LOC400499: variants seen among roughly 807,000 people sequenced by gnomAD.
chr16:11,387,186 G>C, the LOC400499 span: 9 of 1,232,234 alleles, frequency 7.3e-6, no homozygotes, highest in Admixed American at 4.2e-5. Context: ...GACAGCTCTC[G>C]GAGCGGCCGC....
the LOC400499 span, among the ~76,000 whole-genome samples, chr16:11,515,097 G>A: frequency 6.6e-6 from 1 of 152,100 alleles, no homozygotes; most frequent in East Asian, 1.9e-4. Flanking sequence ...CTTGAGCTCA[G>A]AAGTTCAAGA....
At chr16:11,425,250 C>G in the LOC400499 span, 2 of 398,934 alleles carry the variant, frequency 5.0e-6, no homozygotes, top group Non-Finnish European at 8.8e-6. Context: ...GGCCTGGGCC[C>G]TCAGGTTCCT....
chr16:11,381,402 AC>A, the LOC400499 span, among the ~76,000 whole-genome samples: 1 of 151,806 alleles, frequency 6.6e-6, no homozygotes. Context: ...CACCTGCCCT[AC>A]TTTTGAGCTT....
At chr16:11,478,097 G>C in the LOC400499 span, 1 of 394,600 alleles carries the variant, frequency 2.5e-6, no homozygotes. Context: ...TGGATCATTT[G>C]AGCCCAAGAG....
the LOC400499 span, among the ~76,000 whole-genome samples, chr16:11,393,200 C>A: frequency 2.0e-5 from 3 of 146,832 alleles, no homozygotes; most frequent in Non-Finnish European, 4.5e-5. Context: ...CACTATGTTG[C>A]CCAGGCTGGT....
At chr16:11,479,958 T>A in the LOC400499 span, among the ~76,000 whole-genome samples, 1 of 152,152 alleles carries the variant, frequency 6.6e-6, no homozygotes, top group African/African-American at 2.4e-5. Context: ...ATAAATTGAA[T>A]TTGGAAATTG....
chr16:11,406,420 C>T, the LOC400499 span, among the ~76,000 whole-genome samples: 3 of 152,164 alleles, frequency 2.0e-5, no homozygotes, highest in East Asian at 5.8e-4. Context: ...GCCCCTCCCC[C>T]AGAGATTTCT....
At chr16:11,464,087 A>G in the LOC400499 span, among the ~76,000 whole-genome samples, 1 of 152,212 alleles carries the variant, frequency 6.6e-6, no homozygotes, top group Non-Finnish European at 1.5e-5. Context: ...TGTATATACG[A>G]ATGTATGTAC....
At chr16:11,493,538 T>C in the LOC400499 span, 1 of 389,186 alleles carries the variant, frequency 2.6e-6, no homozygotes, top group African/African-American at 2.1e-5. Context: ...TAGGTGCTCA[T>C]TAAATACATG....
At chr16:11,452,721 G>A in the LOC400499 span, among the ~76,000 whole-genome samples, 4 of 152,240 alleles carry the variant, frequency 2.6e-5, no homozygotes, top group African/African-American at 9.6e-5. Context: ...TGGCCTCATG[G>A]GTCATTCAGT....
At chr16:11,422,420 C>T in the LOC400499 span, among the ~76,000 whole-genome samples, 13 of 150,084 alleles carry the variant, frequency 8.7e-5, no homozygotes, top group Admixed American at 6.0e-4. Context: ...AGGAATGGGA[C>T]GGAAAGGAAC....
At chr16:11,503,963 C>T in the LOC400499 span, among the ~76,000 whole-genome samples, 1 of 152,206 alleles carries the variant, frequency 6.6e-6, no homozygotes, top group Non-Finnish European at 1.5e-5. Flanking sequence ...GCCACATTTC[C>T]CTCTGGCTGG....
chr16:11,421,989 C>T, the LOC400499 span, among the ~76,000 whole-genome samples: 22 of 152,322 alleles, frequency 1.4e-4, no homozygotes, highest in South Asian at 2.5e-3. Context: ...GGGTTTGAGA[C>T]GTGGCAAACA....
chr16:11,472,256 A>C, the LOC400499 span: 1 of 152,010 alleles, frequency 6.6e-6, no homozygotes, highest in Non-Finnish European at 1.5e-5. Context: ...ACAGTGGCAC[A>C]ATCTCGGCTC....
At chr16:11,440,828 C>T in the LOC400499 span, 4 of 399,030 alleles carry the variant, frequency 1.0e-5, no homozygotes, top group Non-Finnish European at 1.8e-5. Context: ...AAGCTCAGGG[C>T]CTGGGGGAAG....
the LOC400499 span, among the ~76,000 whole-genome samples, chr16:11,475,215 G>C: frequency 6.6e-6 from 1 of 152,078 alleles, no homozygotes; most frequent in African/African-American, 2.4e-5. Context: ...TAATGCATGC[G>C]GGGCTTGTAA....
chr16:11,393,961 A>C, the LOC400499 span, among the ~76,000 whole-genome samples: 1 of 152,206 alleles, frequency 6.6e-6, no homozygotes, highest in Admixed American at 6.5e-5. Context: ...ACTTTTTTTA[A>C]TTTTTAAAAA....
chr16:11,515,584 G>A, the LOC400499 span, among the ~76,000 whole-genome samples: 2 of 151,516 alleles, frequency 1.3e-5, no homozygotes, highest in East Asian at 1.9e-4. Context: ...GGAGGGGAAG[G>A]GGAAGGGAGG....
At chr16:11,422,947 A>T in the LOC400499 span, among the ~76,000 whole-genome samples, 2 of 152,256 alleles carry the variant, frequency 1.3e-5, no homozygotes, top group South Asian at 4.1e-4. Flanking sequence ...TGCAGATGGG[A>T]CCACTCGATG....
Sources: gnomAD v4.1 joint callset for allele counts (sites outside exome capture counted in the v4.1 genomes callset) on GRCh38, gnomAD v4.1.1 for gene constraint, MANE v1.5 for transcripts.